Variants in RGS6 observed in about 807,000 individuals in gnomAD.
RGS6 encodes the protein regulator of G protein signaling 6, also known as regulator of G-protein signaling 6.
RGS6 carries 30 observed loss-of-function variants against 78.5 expected under a neutral mutation model. The ratio of observed to expected loss-of-function variants is 0.38; its 90% CI spans 0.29 to 0.52. The LOEUF (loss-of-function observed/expected upper bound fraction) is 0.52. Ranked by LOEUF, RGS6 falls within the 20% of genes least tolerant of loss-of-function variation. The pLI, the probability that RGS6 is intolerant of heterozygous loss-of-function variation, is 0.85. For synonymous variants in RGS6, 206 were observed against 206.0 expected (o/e 1.00, Z 0.00); for missense variants, 495 against 609.7 (o/e 0.81, Z 1.98).
the RGS6 span, among the ~76,000 whole-genome samples, chr14:72,620,287 AT>A: frequency 6.6e-6 from 1 of 152,226 alleles, no homozygotes; most frequent in Non-Finnish European, 1.5e-5. Context: ...GGGATCCCTT[AT>A]TCTTCTGAAC....
chr14:72,450,914 G>A (rs1456738247), intron 3 of RGS6, among the ~76,000 whole-genome samples: 5 of 152,182 alleles, frequency 3.3e-5, no homozygotes, highest in Non-Finnish European at 7.3e-5. Flanking sequence ...TAAAGGACGC[G>A]ATATTATGAC....
At chr14:72,427,498 G>A (rs1179265737) in intron 3 of RGS6, among the ~76,000 whole-genome samples, 4 of 152,292 alleles carry the variant, frequency 2.6e-5, no homozygotes, top group Middle Eastern at 3.4e-3. Flanking sequence ...GAGGTGAGCC[G>A]ACCAACCTCT....
At chr14:72,001,109 G>A (rs112187352) in intron 2 of RGS6, among the ~76,000 whole-genome samples, 33 of 152,266 alleles carry the variant, frequency 2.2e-4, no homozygotes, top group African/African-American at 6.7e-4. Flanking sequence ...TCGTGGGGCC[G>A]CTCCTGGCAA....
intron 2 of RGS6, among the ~76,000 whole-genome samples, chr14:72,157,972 C>T (rs1199278372): frequency 6.6e-6 from 1 of 152,060 alleles, no homozygotes; most frequent in African/African-American, 2.4e-5. Flanking sequence ...AGGTATTTCT[C>T]CTAATGCTAT....
intron 3 of RGS6, among the ~76,000 whole-genome samples, chr14:72,399,649 G>GT (rs1186343405): frequency 6.6e-6 from 1 of 152,190 alleles, no homozygotes; most frequent in Non-Finnish European, 1.5e-5. Flanking sequence ...AATTTGGCAT[G>GT]TTTTTGCAGT....
chr14:72,519,955 A>G (rs577960678), intron 15 of RGS6, among the ~76,000 whole-genome samples: 1 of 152,326 alleles, frequency 6.6e-6, no homozygotes, highest in African/African-American at 2.4e-5. Flanking sequence ...ATTTTTTATT[A>G]TGAAAACTTT....
chr14:71,886,331 C>T, the RGS6 span, among the ~76,000 whole-genome samples: 8 of 152,138 alleles, frequency 5.3e-5, no homozygotes, highest in Admixed American at 1.3e-4. Flanking sequence ...TTGAGAGTAG[C>T]ATCTTTGTTT....
intron 3 of RGS6, among the ~76,000 whole-genome samples, chr14:72,352,856 T>G (rs1311174645): frequency 6.6e-6 from 1 of 152,196 alleles, no homozygotes; most frequent in Non-Finnish European, 1.5e-5. Flanking sequence ...CAATTCATTG[T>G]TTTTCTTCAT....
intron 6 of RGS6, among the ~76,000 whole-genome samples, 156 bp from the exon 7 acceptor site, chr14:72,465,602 T>TGGATGGATGGTTGGGTGGA (rs1566914149): frequency 1.3e-3 from 132 of 99,346 alleles, no homozygotes; most frequent in African/African-American, 5.0e-3. Flanking sequence ...GGATGGATGG[T>TGGATGGATGGTTGGGTGGA]TGGGTGGATG....
At chr14:72,517,605 A>T (rs11620663) in intron 14 of RGS6, among the ~76,000 whole-genome samples, 16,677 of 152,280 alleles carry the variant, frequency 0.11, 920 homozygotes, top group South Asian at 0.16. Flanking sequence ...CCTCTTCAGC[A>T]TTGCTCCAGA....
At chr14:71,953,815 T>A (rs2092553592) in intron 1 of RGS6, among the ~76,000 whole-genome samples, 1 of 152,142 alleles carries the variant, frequency 6.6e-6, no homozygotes. Context: ...CTGACCTGTA[T>A]AATTTTCCTC....
chr14:71,961,391 G>A (rs558682631), intron 1 of RGS6, among the ~76,000 whole-genome samples: 1 of 152,280 alleles, frequency 6.6e-6, no homozygotes, highest in South Asian at 2.1e-4. Context: ...TCCTGGTTCT[G>A]ATAGTTGGTT....
chr14:72,254,077 G>C (rs847238), intron 2 of RGS6, among the ~76,000 whole-genome samples: 1 of 152,226 alleles, frequency 6.6e-6, no homozygotes, highest in East Asian at 1.9e-4. Flanking sequence ...GGATTGTTCT[G>C]TTGAAACAGC....
At chr14:72,428,989 T>C (rs1280182143) in intron 3 of RGS6, among the ~76,000 whole-genome samples, 2 of 152,160 alleles carry the variant, frequency 1.3e-5, no homozygotes, top group African/African-American at 4.8e-5. Context: ...TTGTCTGAGC[T>C]CAGGAGTTCA....
chr14:72,020,900 C>T lies in RGS6; in HGVS notation c.84+56025C>T, dbSNP rs186331921. On this transcript the variant is annotated intron_variant, in intron 2 of 17. Coordinates refer to ENST00000553525, the MANE Select transcript of RGS6 (RefSeq NM_001204424.2). ...TGTGCTCTGAAGGAGAAATGGAGTC[C>T]GAGTAGAGAGTGACTATGCATGATG... Among the ~76,000 whole-genome samples, 375 of 152,148 alleles carry T rather than the reference C, an allele frequency of 2.5e-3. 2 individuals carry two copies. Among genetic ancestry groups the T allele is most frequent in the African/African-American group, 8.5e-3 (354 of 41,498 alleles).
intron 2 of RGS6, among the ~76,000 whole-genome samples, chr14:72,125,729 A>T (rs567101223): frequency 6.6e-6 from 1 of 152,304 alleles, no homozygotes; most frequent in South Asian, 2.1e-4. Flanking sequence ...GTCAAAATTC[A>T]TGGCTCTTCA....
intron 2 of RGS6, among the ~76,000 whole-genome samples, chr14:72,160,302 C>T (rs368544686): frequency 2.6e-5 from 4 of 152,074 alleles, no homozygotes; most frequent in African/African-American, 7.2e-5. Flanking sequence ...TTTTTTCCCT[C>T]ATAATCAAAT....
intron 2 of RGS6, among the ~76,000 whole-genome samples, chr14:71,978,962 A>G (rs1217792045): frequency 6.8e-6 from 1 of 146,944 alleles, no homozygotes; most frequent in Non-Finnish European, 1.5e-5. Context: ...GTCTATTCAG[A>G]GATTCAACTT....
At chr14:72,481,771 A>C (rs949803108) in intron 12 of RGS6, among the ~76,000 whole-genome samples, 1 of 152,018 alleles carries the variant, frequency 6.6e-6, no homozygotes, top group Admixed American at 6.6e-5. Context: ...GTCTCAGATA[A>C]ATGACACTTA....
Sources: gnomAD v4.1 joint callset for allele counts (sites outside exome capture counted in the v4.1 genomes callset) on GRCh38, gnomAD v4.1.1 for gene constraint, MANE v1.5 for transcripts, NCBI Gene and HGNC (gene_info 2026-07-23, HGNC 2026-07-21) for gene names.